Variants in RAB33B observed in about 807,000 individuals in gnomAD.
The protein encoded by RAB33B is ras-related protein Rab-33B.
A neutral mutation model predicts 15.0 loss-of-function variants in RAB33B; 6 were observed. That is an observed-to-expected ratio of 0.40 (90% CI 0.22 to 0.79). The LOEUF (loss-of-function observed/expected upper bound fraction) is 0.79. Among genes scored for constraint, RAB33B ranks in the 30% least tolerant of loss-of-function variants. The pLI is 0.37. For missense variants in RAB33B, 257 were observed against 296.4 expected (o/e 0.87, Z 0.98); for synonymous variants, 117 against 108.3 (o/e 1.08, Z -0.50).
chr4:139,468,924 C>G (rs1171153341), intron 1 of RAB33B, among the ~76,000 whole-genome samples: 2 of 152,192 alleles, frequency 1.3e-5, no homozygotes, highest in Non-Finnish European at 2.9e-5. Context: ...ACATCTGCTG[C>G]CAGACCTATT....
Position 139,473,119 on chromosome 4 carries a change from G to C in RAB33B, c.683G>C (p.Trp228Ser). Residue 228 changes from tryptophan (W) to serine (S), a missense_variant, in exon 2 of 2, where the codon TGG (tryptophan) becomes TCG (serine). Transcript: ENST00000305626. ...KPEPKPAMTC[W>S]C Reference sequence around the variant, plus strand: ...GAACCAAAGCCTGCAATGACGTGCTGGTGCTAAATAACAGTCTTTATTATA... The same window carrying C: ...GAACCAAAGCCTGCAATGACGTGCTCGTGCTAAATAACAGTCTTTATTATA... 1.9e-6 allele frequency: 3 copies of C among 1,594,456 alleles called. No homozygotes were observed. The highest frequency in any genetic ancestry group is 2.6e-6 in the Non-Finnish European group (3 of 1,171,080).
intron 1 of RAB33B, among the ~76,000 whole-genome samples, chr4:139,460,850 A>C (rs1051672005): frequency 6.6e-6 from 1 of 152,188 alleles, no homozygotes; most frequent in Non-Finnish European, 1.5e-5. Flanking sequence ...AAGCTTTCCT[A>C]CTATCTGAAG....
At chr4:139,457,809 A>G (rs538073633) in intron 1 of RAB33B, among the ~76,000 whole-genome samples, 2 of 152,348 alleles carry the variant, frequency 1.3e-5, no homozygotes, top group Non-Finnish European at 2.9e-5. Flanking sequence ...CATGAAAATC[A>G]TATGAAATTC....
At chr4:139,470,837 A>G (rs1238614680) in intron 1 of RAB33B, among the ~76,000 whole-genome samples, 2 of 151,908 alleles carry the variant, frequency 1.3e-5, no homozygotes, top group Admixed American at 6.6e-5. Context: ...TCTAGGAGGT[A>G]AGGCCTGGAA....
At position 139,463,446 on chromosome 4, in the gene RAB33B, T is replaced by C. The variant is rs1444522944; in HGVS notation, c.249+9002T>C. 2.6e-5 allele frequency among the ~76,000 whole-genome samples: 4 copies of C among 152,186 alleles called. No individual in the cohort carries two copies. The East Asian group carries it at 7.7e-4, about 29-fold the overall frequency. On this transcript the variant is annotated intron_variant, in intron 1 of 1. Coordinates refer to ENST00000305626, the MANE Select transcript of RAB33B (RefSeq NM_031296.3). ...CCACCACCCCTGGCCAAGTATATAT[T>C]ATGTTATCTTTATAATGTTTAAAAT...
At position 139,473,822 on chromosome 4, in the gene RAB33B, T is replaced by G. The variant is rs987046052; in HGVS notation, c.*696T>G. 1 of 152,126 alleles carries G rather than the reference T, an allele frequency of 6.6e-6. No individual in the cohort carries two copies. The highest frequency in any genetic ancestry group is 1.5e-5 in the Non-Finnish European group (1 of 68,022). 9.4% of individuals were successfully genotyped at this position (152,126 alleles called of 1,614,324 possible). On this transcript the variant is annotated 3_prime_UTR_variant, in exon 2 of 2. Transcript: ENST00000305626. ...GAATGACTTTTCCAAGAGTTCTAGA[T>G]GTTTGATTTTCTAATTAATACTTAT... is the stretch of plus-strand genomic sequence containing the variant.
chr4:139,439,233 C>T, the RAB33B span, among the ~76,000 whole-genome samples: 1 of 152,146 alleles, frequency 6.6e-6, no homozygotes, highest in Non-Finnish European at 1.5e-5. Context: ...ATCTCCTGAC[C>T]TCGTGATCCG....
intron 1 of RAB33B, among the ~76,000 whole-genome samples, chr4:139,456,848 G>A (rs34290486): frequency 2.6e-5 from 4 of 151,694 alleles, no homozygotes; most frequent in Admixed American, 1.3e-4. Context: ...CCTTTTTTTC[G>A]AAAACTGAAA....
At chr4:139,467,337 T>TTTTAA (rs1561006303) in intron 1 of RAB33B, among the ~76,000 whole-genome samples, 1 of 117,506 alleles carries the variant, frequency 8.5e-6, no homozygotes, top group Non-Finnish European at 1.8e-5. Context: ...TTTTTTTTTT[T>TTTTAA]AAGAGACAGG....
chr4:139,459,527 A>G (rs1386931420), intron 1 of RAB33B, among the ~76,000 whole-genome samples: 1 of 152,056 alleles, frequency 6.6e-6, no homozygotes, highest in African/African-American at 2.4e-5. Context: ...GATGATTTCT[A>G]TCTCATTGCA....
upstream of RAB33B, chr4:139,452,307 C>A (rs1561000835): frequency 6.6e-6 from 1 of 152,152 alleles, no homozygotes; most frequent in Non-Finnish European, 1.5e-5. Flanking sequence ...ATTAGCAATA[C>A]CCCAAAATGT....
intron 1 of RAB33B, among the ~76,000 whole-genome samples, chr4:139,466,140 C>T (rs1023799724): frequency 2.6e-5 from 4 of 152,172 alleles, no homozygotes; most frequent in African/African-American, 9.6e-5. Context: ...TCATTGCACC[C>T]GGCCTGGGGT....
At chr4:139,452,138 G>C (rs540692681), upstream of RAB33B, 1 of 152,302 alleles carries the variant, frequency 6.6e-6, no homozygotes, top group African/African-American at 2.4e-5. Flanking sequence ...AAATGTTCAA[G>C]TTAACAATCC....
chr4:139,472,717 G>A lies in RAB33B; in HGVS notation c.281G>A (p.Arg94Gln), dbSNP rs1389587674. 1 of 1,607,518 alleles carries A rather than the reference G, an allele frequency of 6.2e-7. No individual in the cohort carries two copies. The highest frequency in any genetic ancestry group is 8.5e-7 in the Non-Finnish European group (1 of 1,174,432). The change falls in exon 2 of 2, where the codon CGA (arginine) becomes CAA (glutamine). Residue 94 changes from arginine to glutamine, a missense_variant. Physicochemically the swap from Arg to Gln is conservative, Grantham distance 43. Transcript: ENST00000305626. ...IQLWDTAGQE[R>Q]FRKSMVQHYY... The stretch of plus-strand genomic sequence containing the variant: ...CTATGGGACACAGCAGGACAAGAAC[G>A]ATTCAGAAAGAGCATGGTTCAGCAC...
At chr4:139,443,536 G>A in the RAB33B span, among the ~76,000 whole-genome samples, 5 of 152,186 alleles carry the variant, frequency 3.3e-5, no homozygotes, top group Admixed American at 2.6e-4. Context: ...TGTCCTAAGT[G>A]AGAGTCTTAT....
intron 1 of RAB33B, among the ~76,000 whole-genome samples, chr4:139,469,801 C>A (rs762093743): frequency 1.3e-4 from 20 of 152,160 alleles, no homozygotes; most frequent in Non-Finnish European, 2.4e-4. Context: ...CTCTGTACTA[C>A]CAGGCAGAGA....
intron 1 of RAB33B, among the ~76,000 whole-genome samples, chr4:139,466,544 G>C (rs1750288921): frequency 6.6e-6 from 1 of 151,420 alleles, no homozygotes; most frequent in South Asian, 2.1e-4. Flanking sequence ...CTTTCTAAAT[G>C]CTAAAGATAG....
At chr4:139,465,897 CTT>C (rs374709757) in intron 1 of RAB33B, among the ~76,000 whole-genome samples, 2 of 143,912 alleles carry the variant, frequency 1.4e-5, no homozygotes. Flanking sequence ...TCCCAGCTCA[CTT>C]TTTTTTTTTT....
upstream of RAB33B, chr4:139,449,837 G>A (rs1490479655): frequency 4.0e-5 from 6 of 151,732 alleles, no homozygotes; most frequent in African/African-American, 1.2e-4. Context: ...GATAAAAGAG[G>A]AAACAACAGA....
Sources: gnomAD v4.1 joint callset for allele counts (sites outside exome capture counted in the v4.1 genomes callset) on GRCh38, gnomAD v4.1.1 for gene constraint, MANE v1.5 for transcripts, NCBI Gene and HGNC (gene_info 2026-07-23, HGNC 2026-07-21) for gene names.